The following RANBP2 variants were observed in gnomAD, a reference collection of about 807,000 sequenced individuals.
RANBP2 encodes the protein E3 SUMO-protein ligase RanBP2.
RANBP2 carries 57 observed loss-of-function variants against 303.6 expected under a neutral mutation model. That is an observed-to-expected ratio of 0.19 (90% CI 0.15 to 0.23). The LOEUF is 0.23. Ranked by LOEUF, RANBP2 falls within the 10% of genes least tolerant of loss-of-function variation. The pLI is 1.00. For synonymous variants in RANBP2, 1,167 were observed against 1,301.5 expected (o/e 0.90, Z 2.23); for missense variants, 3,138 against 3,780.8 (o/e 0.83, Z 4.46).
the RANBP2 span, among the ~76,000 whole-genome samples, chr2:109,511,891 A>T: frequency 2.6e-5 from 4 of 152,162 alleles, no homozygotes. Flanking sequence ...GGGGTGGCCC[A>T]TGTGTGCCTC....
the RANBP2 span, among the ~76,000 whole-genome samples, chr2:109,279,735 G>T: frequency 7.4e-6 from 1 of 135,852 alleles, no homozygotes; most frequent in Non-Finnish European, 1.6e-5. Context: ...AATTCAGTAC[G>T]CTTGGGAGCA....
chr2:109,682,103 GA>G, the RANBP2 span, among the ~76,000 whole-genome samples: 1 of 152,166 alleles, frequency 6.6e-6, no homozygotes, highest in Admixed American at 6.5e-5. Context: ...ATGTTCTTTT[GA>G]AAAGAATAAA....
At chr2:109,545,391 C>T in the RANBP2 span, 4 of 1,534,426 alleles carry the variant, frequency 2.6e-6, no homozygotes, top group South Asian at 2.4e-5. Flanking sequence ...ATACCCCAAA[C>T]CTACACGCCT....
Position 108,767,873 on chromosome 2 carries a change from A to G in RANBP2, c.7334A>G (p.Lys2445Arg). Reference sequence around the variant, plus strand: ...GATGAAGCAAAAACAGCCCAGGAAAAAGATTCTTTGATAACACCTCATGTT... The same window carrying G: ...GATGAAGCAAAAACAGCCCAGGAAAGAGATTCTTTGATAACACCTCATGTT... ...IFDEAKTAQE[K>R]DSLITPHVSR... is the part of the protein sequence containing the mutation. The change falls in exon 20 of 29, where the codon AAA becomes AGA. Residue 2445 changes from lysine (K) to arginine (R), a missense_variant. Lys to Arg is a conservative substitution (Grantham distance 26). Transcript: ENST00000283195. 1 of 1,610,468 alleles carries G rather than the reference A, an allele frequency of 6.2e-7. No individual in the cohort carries two copies.
At chr2:108,834,023 G>T in the RANBP2 span, among the ~76,000 whole-genome samples, 2 of 148,630 alleles carry the variant, frequency 1.3e-5, no homozygotes, top group Admixed American at 6.8e-5. Flanking sequence ...TGGGATTACA[G>T]GCGTGAGCCA....
chr2:109,249,519 T>TTCTC, the RANBP2 span, among the ~76,000 whole-genome samples: 1 of 61,900 alleles, frequency 1.6e-5, no homozygotes, highest in Non-Finnish European at 3.3e-5. Flanking sequence ...CATTCTTTCT[T>TTCTC]TTTCTTTCTT....
the RANBP2 span, among the ~76,000 whole-genome samples, chr2:108,990,123 C>A: frequency 6.6e-6 from 1 of 152,280 alleles, no homozygotes; most frequent in African/African-American, 2.4e-5. Flanking sequence ...TGGTGAAACT[C>A]CGTCCCTACT....
At chr2:108,987,162 T>C in the RANBP2 span, among the ~76,000 whole-genome samples, 1 of 152,228 alleles carries the variant, frequency 6.6e-6, no homozygotes, top group Non-Finnish European at 1.5e-5. Context: ...TCAGATTTGC[T>C]TGAGTCTTTG....
chr2:108,943,659 G>A, the RANBP2 span, among the ~76,000 whole-genome samples: 2 of 152,158 alleles, frequency 1.3e-5, no homozygotes, highest in African/African-American at 4.8e-5. Context: ...CGTATTTTCC[G>A]TGGCCTGGTG....
chr2:109,251,522 T>G, the RANBP2 span: 1 of 745,582 alleles, frequency 1.3e-6, no homozygotes, highest in South Asian at 1.3e-5. Context: ...TTGTGGTCAT[T>G]TGGTCCCTTT....
the RANBP2 span, among the ~76,000 whole-genome samples, chr2:109,701,817 G>A: frequency 1.3e-5 from 2 of 152,176 alleles, no homozygotes; most frequent in Non-Finnish European, 2.9e-5. Flanking sequence ...GGGGTCCTGA[G>A]ATTTATTTTC....
rs1389381161 is a variant in RANBP2, at chr2:108,781,328, A to G, written c.8659A>G (p.Thr2887Ala). ...TGTGTTTGGAACACAGTCAGTCGGA[A>G]CCCAGTCAGCCGGTAAAGTTGGTGA... ...AAVFGTQSVG[T>A]QSAGKVGEDE... The change falls in exon 26 of 29, where the codon ACC (threonine) becomes GCC (alanine). Residue 2887 changes from threonine to alanine, a missense_variant. Transcript: ENST00000283195. 11 of 1,614,172 alleles carry G rather than the reference A, an allele frequency of 6.8e-6. No individual in the cohort carries two copies. Among genetic ancestry groups the G allele is most frequent in the Non-Finnish European group, 8.5e-6 (10 of 1,180,028 alleles).
chr2:109,492,373 C>T, the RANBP2 span, among the ~76,000 whole-genome samples: 1 of 152,168 alleles, frequency 6.6e-6, no homozygotes, highest in Non-Finnish European at 1.5e-5. Flanking sequence ...ACAGGGCTCT[C>T]TGCAGAACCC....
the RANBP2 span, among the ~76,000 whole-genome samples, chr2:109,164,282 A>G: frequency 1.3e-5 from 2 of 152,108 alleles, no homozygotes; most frequent in Non-Finnish European, 2.9e-5. Context: ...TCCTGGGCTC[A>G]AGTGATCCTC....
the RANBP2 span, among the ~76,000 whole-genome samples, chr2:108,872,033 A>G: frequency 6.6e-6 from 1 of 152,138 alleles, no homozygotes; most frequent in Non-Finnish European, 1.5e-5. Flanking sequence ...CCTTCCACCA[A>G]TTTAAAGAGG....
At chr2:109,607,254 A>G in the RANBP2 span, among the ~76,000 whole-genome samples, 7 of 152,220 alleles carry the variant, frequency 4.6e-5, no homozygotes, top group Non-Finnish European at 8.8e-5. Context: ...CATAGAAACA[A>G]TATTACAAAC....
the RANBP2 span, among the ~76,000 whole-genome samples, chr2:109,594,297 A>G: frequency 6.6e-6 from 1 of 152,156 alleles, no homozygotes; most frequent in African/African-American, 2.4e-5. Context: ...AATGGTGTCA[A>G]TGAGAATACA....
chr2:109,443,370 C>G, the RANBP2 span, among the ~76,000 whole-genome samples: 1 of 152,168 alleles, frequency 6.6e-6, no homozygotes, highest in Admixed American at 6.5e-5. Flanking sequence ...CCTGTCATCT[C>G]TGTGTGACGC....
the RANBP2 span, among the ~76,000 whole-genome samples, chr2:109,549,431 T>A: frequency 6.6e-6 from 1 of 152,182 alleles, no homozygotes; most frequent in Non-Finnish European, 1.5e-5. Flanking sequence ...GGCAGGGAAG[T>A]GTGAATGTGA....
Sources: allele counts gnomAD v4.1 joint callset (sites outside exome capture counted in the v4.1 genomes callset), GRCh38; gene constraint gnomAD v4.1.1; transcripts MANE v1.5; gene names NCBI Gene and HGNC (gene_info 2026-07-23, HGNC 2026-07-21).